SPIN1: variants seen among roughly 807,000 people sequenced by gnomAD.
SPIN1 encodes spindlin 1.
SPIN1 carries 3 observed loss-of-function variants against 26.0 expected under a neutral mutation model. That is an observed-to-expected ratio of 0.12 (90% CI 0.05 to 0.30). SPIN1 has a LOEUF of 0.30. Among genes scored for constraint, SPIN1 ranks in the 10% least tolerant of loss-of-function variants. The pLI is 1.00. For synonymous variants in SPIN1, 101 were observed against 116.5 expected (o/e 0.87, Z 0.86); for missense variants, 126 against 333.4 (o/e 0.38, Z 4.84).
chr9:88,420,316 A>C lies in SPIN1; in HGVS notation c.-158-6066A>C, dbSNP rs371876131. 4.6e-5 allele frequency among the ~76,000 whole-genome samples: 7 copies of C among 152,342 alleles called. No individual in the cohort carries two copies. The East Asian group carries it at 7.7e-4, about 17-fold the overall frequency. The stretch of plus-strand genomic sequence containing the variant: ...CTTGAACCTGGGAGGCGGAGGTTGC[A>C]GTGAGCCGAGATTGCGCCATTGCAC... On this transcript the variant is annotated intron_variant, in intron 1 of 5. Transcript: ENST00000375859.
At chr9:88,464,831 C>T (rs1057069631) in intron 4 of SPIN1, among the ~76,000 whole-genome samples, 2 of 152,136 alleles carry the variant, frequency 1.3e-5, no homozygotes, top group Admixed American at 6.5e-5. Flanking sequence ...TAAGTACATT[C>T]GCATTGTTGA....
rs1828883531 is a variant in SPIN1, at chr9:88,476,017, GAATTTTA to G, written c.*741_*747del. ...TGTGAACAGTTAATGACCCATATTA[GAATTTTA>G]CAATCTGGTGAACAATCTGGGTAAA... is the stretch of plus-strand genomic sequence containing the variant. On this transcript the variant is annotated 3_prime_UTR_variant, in exon 6 of 6. Coordinates refer to ENST00000375859, the MANE Select transcript of SPIN1 (RefSeq NM_006717.3). 1 of 151,936 alleles carries G rather than the reference GAATTTTA, an allele frequency of 6.6e-6. No homozygotes were observed. The highest frequency in any genetic ancestry group is 6.6e-5 in the Admixed American group (1 of 15,252). The allele number at this position is 151,936 out of a possible 1,614,324, so 9.4% of individuals were successfully genotyped here. A position where few individuals can be genotyped will look rare whatever the true frequency, so the allele number is the denominator to read the frequency against.
rs1322181840 is a variant in SPIN1, at chr9:88,449,451, G to A, written c.101+462G>A. Among the ~76,000 whole-genome samples the A allele has an allele frequency of 2.6e-5, 4 of 152,198 alleles. No homozygotes were observed. The South Asian group carries it at 8.3e-4, about 32-fold the overall frequency. ...CTGTTTTATAGCATTTTTAAATGAA[G>A]GAAAAGCTTATGAATTTAGGGAAAG... On this transcript the variant is annotated intron_variant, in intron 3 of 5. Coordinates refer to ENST00000375859, the MANE Select transcript of SPIN1 (RefSeq NM_006717.3).
At chr9:88,445,509 A>G (rs373746822) in intron 2 of SPIN1, among the ~76,000 whole-genome samples, 23 of 142,832 alleles carry the variant, frequency 1.6e-4, no homozygotes, top group African/African-American at 5.9e-4. Flanking sequence ...TCTTAAATGT[A>G]TTGAGACTTT....
intron 1 of SPIN1, among the ~76,000 whole-genome samples, chr9:88,397,520 A>G (rs1490292821): frequency 1.3e-5 from 2 of 151,978 alleles, no homozygotes; most frequent in Non-Finnish European, 2.9e-5. Context: ...CTCAAGCATC[A>G]CTTTTAATGA....
At chr9:88,452,957 T>C (rs918837439) in intron 3 of SPIN1, among the ~76,000 whole-genome samples, 3 of 152,186 alleles carry the variant, frequency 2.0e-5, no homozygotes, top group African/African-American at 7.2e-5. Context: ...AGGCATTTAC[T>C]GGTATGTGGT....
At chr9:88,405,996 CTTGTGTGTCT>C (rs1285225953) in intron 1 of SPIN1, among the ~76,000 whole-genome samples, 4 of 127,938 alleles carry the variant, frequency 3.1e-5, no homozygotes, top group African/African-American at 1.0e-4. Flanking sequence ...CCGTGCCTGG[CTTGTGTGTCT>C]GTGTGTGTGT....
At chr9:88,446,237 G>A (rs1828248360) in intron 2 of SPIN1, among the ~76,000 whole-genome samples, 1 of 152,058 alleles carries the variant, frequency 6.6e-6, no homozygotes, top group Non-Finnish European at 1.5e-5. Flanking sequence ...ATTGTCCTTT[G>A]ATTTGTGGTA....
chr9:88,451,009 G>T (rs893027304), intron 3 of SPIN1, among the ~76,000 whole-genome samples: 7 of 152,100 alleles, frequency 4.6e-5, no homozygotes, highest in African/African-American at 1.7e-4. Flanking sequence ...TCTAAGGTTG[G>T]CTTAATCCTG....
chr9:88,428,408 A>C (rs1040691814), intron 2 of SPIN1, among the ~76,000 whole-genome samples: 1 of 152,200 alleles, frequency 6.6e-6, no homozygotes. Flanking sequence ...TTTAGCTCCA[A>C]CTTATGAGTG....
intron 1 of SPIN1, among the ~76,000 whole-genome samples, chr9:88,422,638 CAAAA>C: frequency 6.6e-6 from 1 of 151,308 alleles, no homozygotes; most frequent in South Asian, 2.1e-4. Flanking sequence ...ACTTGCAACT[CAAAA>C]AAGAGAAAGG....
chr9:88,395,742 A>G (rs958438770), intron 1 of SPIN1, among the ~76,000 whole-genome samples: 1 of 151,952 alleles, frequency 6.6e-6, no homozygotes, highest in Non-Finnish European at 1.5e-5. Flanking sequence ...AGGCATCAAT[A>G]CAGCCTAAAA....
chr9:88,423,423 G>A lies in SPIN1; in HGVS notation c.-158-2959G>A, dbSNP rs1234600492. ...TAAAATTGGGAAATACTACATTATG[G>A]TTTGTGGGTTTTTTGTTTGTTTGTT... On this transcript the variant is annotated intron_variant, in intron 1 of 5. Coordinates refer to ENST00000375859, the MANE Select transcript of SPIN1 (RefSeq NM_006717.3). Among the ~76,000 whole-genome samples, 4 of 150,282 alleles carry A rather than the reference G, an allele frequency of 2.7e-5. 1 individual carries two copies. The South Asian group carries it at 6.3e-4, about 24-fold the overall frequency.
At chr9:88,457,640 T>G (rs960010337) in intron 3 of SPIN1, among the ~76,000 whole-genome samples, 1 of 152,204 alleles carries the variant, frequency 6.6e-6, no homozygotes, top group Non-Finnish European at 1.5e-5. Flanking sequence ...AATGAAAGTT[T>G]TTTTTTTCTC....
chr9:88,475,382 C>T lies in SPIN1; in HGVS notation c.*105C>T, dbSNP rs183198935. 148 of 1,159,266 alleles carry T rather than the reference C, an allele frequency of 1.3e-4. 1 individual carries two copies. In the East Asian group the frequency reaches 3.0e-3, roughly 24 times the overall value. 71.8% of individuals were successfully genotyped at this position (1,159,266 alleles called of 1,614,324 possible). A position where few individuals can be genotyped will look rare whatever the true frequency, so the allele number is the denominator to read the frequency against. On this transcript the variant is annotated 3_prime_UTR_variant, in exon 6 of 6. Transcript: ENST00000375859. ...TTTAATGAAAGCTTAAATGTCCCTG[C>T]GAACCCACAATCTCTGCCAGCAGAA...
chr9:88,410,190 C>T (rs1179359411), intron 1 of SPIN1, among the ~76,000 whole-genome samples: 15 of 103,672 alleles, frequency 1.4e-4, no homozygotes, highest in African/African-American at 8.8e-4. Flanking sequence ...TGTGTGTGTG[C>T]AACTTTTTTT....
chr9:88,461,543 AT>A (rs1471555730), intron 3 of SPIN1, among the ~76,000 whole-genome samples: 1 of 152,182 alleles, frequency 6.6e-6, no homozygotes, highest in African/African-American at 2.4e-5. Context: ...CCTACAATAA[AT>A]TGTTTCTTTA....
chr9:88,436,275 AACAGTTTTTAAACTTTACAATCTTTCT>A (rs1827996675), intron 2 of SPIN1, among the ~76,000 whole-genome samples: 2 of 152,206 alleles, frequency 1.3e-5, no homozygotes, highest in Non-Finnish European at 2.9e-5. Flanking sequence ...ATTTTAGACT[AACAGTTTTTAAACTTTACAATCTTTCT>A]ACAGTTTTAG....
In SPIN1 at chr9:88,475,165, C is replaced by T. The variant is rs373183527; in HGVS notation, c.677C>T (p.Ser226Leu). The T allele has an allele frequency of 3.1e-5, 50 of 1,611,662 alleles. No individual in the cohort carries two copies. Among genetic ancestry groups the T allele is most frequent in the Middle Eastern group, 1.7e-4 (1 of 6,056 alleles). The change falls in exon 6 of 6, where the codon TCG becomes TTG. Residue 226 changes from serine (S) to leucine (L), a missense_variant. Ser to Leu is a moderately radical substitution (Grantham distance 145). Transcript: ENST00000375859. ...KQVEYAKEDG[S>L]KRTGMVIHQV... Reference sequence around the variant, plus strand: ...GTGGAATATGCCAAAGAAGATGGCTCGAAAAGGACTGGCATGGTCATTCAT... The same window carrying T: ...GTGGAATATGCCAAAGAAGATGGCTTGAAAAGGACTGGCATGGTCATTCAT...
Sources: gnomAD v4.1 joint callset for allele counts (sites outside exome capture counted in the v4.1 genomes callset) on GRCh38, gnomAD v4.1.1 for gene constraint, MANE v1.5 for transcripts, NCBI Gene and HGNC (gene_info 2026-07-23, HGNC 2026-07-21) for gene names.